The following SCHIP1 variants were observed in gnomAD, a reference collection of about 807,000 sequenced individuals.
SCHIP1 encodes schwannomin interacting protein 1.
SCHIP1 carries 8 observed loss-of-function variants against 29.7 expected under a neutral mutation model. That is an observed-to-expected ratio of 0.27 (90% confidence interval 0.16 to 0.49). The LOEUF is 0.49. Ranked by LOEUF, SCHIP1 falls within the 20% of genes least tolerant of loss-of-function variation. The pLI is 0.99. For missense variants in SCHIP1, 193 were observed against 294.6 expected (o/e 0.66, Z 2.52); for synonymous variants, 76 against 94.9 (o/e 0.80, Z 1.16).
intron 1 of SCHIP1, among the ~76,000 whole-genome samples, chr3:159,858,073 G>C (rs1350717431): frequency 6.6e-6 from 1 of 152,222 alleles, no homozygotes; most frequent in Non-Finnish European, 1.5e-5. Context: ...TAACCATGCA[G>C]TAGGTGTTTG....
chr3:159,641,876 G>A, the SCHIP1 span, among the ~76,000 whole-genome samples: 1 of 152,082 alleles, frequency 6.6e-6, no homozygotes, highest in East Asian at 1.9e-4. Context: ...GCAGAAGAAG[G>A]AAATGATTTT....
the SCHIP1 span, among the ~76,000 whole-genome samples, chr3:159,507,451 C>T: frequency 6.6e-6 from 1 of 152,150 alleles, no homozygotes; most frequent in African/African-American, 2.4e-5. Flanking sequence ...AATTGAATGT[C>T]CTTTATTTCC....
the SCHIP1 span, among the ~76,000 whole-genome samples, chr3:159,573,056 T>C: frequency 6.6e-6 from 1 of 152,110 alleles, no homozygotes; most frequent in Non-Finnish European, 1.5e-5. Context: ...TGGTCTTGAC[T>C]CTTTATCCAA....
chr3:159,386,413 C>A, the SCHIP1 span, among the ~76,000 whole-genome samples: 2 of 152,128 alleles, frequency 1.3e-5, no homozygotes, highest in Non-Finnish European at 2.9e-5. Context: ...ATTCCACGCT[C>A]GTGGATACAC....
the SCHIP1 span, among the ~76,000 whole-genome samples, chr3:159,676,047 C>T: frequency 6.6e-6 from 1 of 152,176 alleles, no homozygotes; most frequent in Non-Finnish European, 1.5e-5. Flanking sequence ...AGGAGAATTG[C>T]TTGAACCTGG....
chr3:159,325,084 C>T, the SCHIP1 span, among the ~76,000 whole-genome samples: 1 of 152,036 alleles, frequency 6.6e-6, no homozygotes, highest in Non-Finnish European at 1.5e-5. Context: ...CTTCTTTATG[C>T]ATCAATTCCA....
At chr3:159,723,529 T>C in the SCHIP1 span, among the ~76,000 whole-genome samples, 1 of 152,242 alleles carries the variant, frequency 6.6e-6, no homozygotes, top group Non-Finnish European at 1.5e-5. Flanking sequence ...TGATATCTTA[T>C]TGCATGATGT....
chr3:159,362,306 T>C, the SCHIP1 span, among the ~76,000 whole-genome samples: 1 of 152,194 alleles, frequency 6.6e-6, no homozygotes, highest in South Asian at 2.1e-4. Flanking sequence ...CAAATTTTAC[T>C]GAAAAGGATG....
At chr3:159,485,343 TA>T in the SCHIP1 span, among the ~76,000 whole-genome samples, 2 of 150,930 alleles carry the variant, frequency 1.3e-5, no homozygotes, top group African/African-American at 5.0e-5. Flanking sequence ...ATCTATAAAA[TA>T]AGAATAACAC....
At chr3:159,360,177 C>T in the SCHIP1 span, among the ~76,000 whole-genome samples, 2 of 152,158 alleles carry the variant, frequency 1.3e-5, no homozygotes, top group Admixed American at 1.3e-4. Flanking sequence ...TAAGCTTTCA[C>T]TTTCTTTCAA....
chr3:159,569,595 T>A, the SCHIP1 span, among the ~76,000 whole-genome samples: 2 of 152,208 alleles, frequency 1.3e-5, no homozygotes, highest in African/African-American at 4.8e-5. Flanking sequence ...TCGTTCCAAG[T>A]CTTTGCTATT....
the SCHIP1 span, among the ~76,000 whole-genome samples, chr3:159,492,847 G>T: frequency 6.6e-6 from 1 of 152,306 alleles, no homozygotes; most frequent in Non-Finnish European, 1.5e-5. Flanking sequence ...AGGGCAGCCA[G>T]AGAGAAAGGT....
the SCHIP1 span, among the ~76,000 whole-genome samples, chr3:159,800,238 T>C: frequency 1.3e-5 from 2 of 152,198 alleles, no homozygotes; most frequent in African/African-American, 4.8e-5. Context: ...ACCAAGTTGA[T>C]ACCCACCTCC....
At chr3:159,765,189 C>T in the SCHIP1 span, 1 of 1,491,748 alleles carries the variant, frequency 6.7e-7, no homozygotes, top group East Asian at 2.7e-5. Context: ...GTACACACCC[C>T]GCGCACAGCC....
the SCHIP1 span, among the ~76,000 whole-genome samples, chr3:159,493,960 G>A: frequency 0.11 from 16,202 of 151,720 alleles, 907 homozygotes; most frequent in South Asian, 0.13. Flanking sequence ...ACTCAAAACC[G>A]CTCAACTACA....
At chr3:159,547,970 G>A in the SCHIP1 span, among the ~76,000 whole-genome samples, 2 of 151,948 alleles carry the variant, frequency 1.3e-5, no homozygotes, top group African/African-American at 2.4e-5. Context: ...ATTAAAGTGA[G>A]GAATTACATC....
At chr3:159,645,493 A>G in the SCHIP1 span, among the ~76,000 whole-genome samples, 1 of 152,216 alleles carries the variant, frequency 6.6e-6, no homozygotes, top group African/African-American at 2.4e-5. Context: ...TTTACATGCT[A>G]GAATGGATAG....
chr3:159,776,862 G>C, the SCHIP1 span, among the ~76,000 whole-genome samples: 1 of 152,120 alleles, frequency 6.6e-6, no homozygotes, highest in African/African-American at 2.4e-5. Flanking sequence ...CTAAGAGGGA[G>C]GCCAGAGCAA....
the SCHIP1 span, among the ~76,000 whole-genome samples, chr3:159,475,287 C>T: frequency 6.6e-6 from 1 of 152,092 alleles, no homozygotes; most frequent in Admixed American, 6.6e-5. Context: ...TATGGATGAA[C>T]CTTGAAAATT....
Sources: allele counts gnomAD v4.1 joint callset (sites outside exome capture counted in the v4.1 genomes callset), GRCh38; gene constraint gnomAD v4.1.1; transcripts MANE v1.5; gene names NCBI Gene and HGNC (gene_info 2026-07-23, HGNC 2026-07-21).